PRKCB: variants seen among roughly 807,000 people sequenced by gnomAD.
The protein encoded by PRKCB is protein kinase C beta type.
Under a neutral mutation model 81.5 loss-of-function variants are expected in PRKCB, and 13 were observed. That is an observed-to-expected ratio of 0.16 (90% CI 0.10 to 0.25). The LOEUF is 0.25. Ranked by LOEUF, PRKCB falls within the 10% of genes least tolerant of loss-of-function variation. The probability of loss-of-function intolerance (pLI) is 1.00; values close to 1 mark genes in which losing one functional copy is unlikely to be tolerated. For synonymous variants in PRKCB, 335 were observed against 321.4 expected (o/e 1.04, Z -0.45); for missense variants, 509 against 875.7 (o/e 0.58, Z 5.29).
chr16:24,217,308 AG>A lies in PRKCB; in HGVS notation c.*2493del. On this transcript the variant is annotated 3_prime_UTR_variant, in exon 17 of 17. Coordinates refer to ENST00000643927, the MANE Select transcript of PRKCB (RefSeq NM_002738.7). ...TGTTTTAGAGAAACTTTCCATGGAA[AG>A]TCAGAATTTCTACCACTTCCTTTTC... The A allele has an allele frequency of 1.0e-6, 1 of 985,440 alleles. No individual in the cohort carries two copies. The allele number at this position is 985,440 out of a possible 1,614,324, so 61.0% of individuals were successfully genotyped here.
At chr16:24,045,334 G>A (rs1021974394) in intron 5 of PRKCB, among the ~76,000 whole-genome samples, 1 of 152,176 alleles carries the variant, frequency 6.6e-6, no homozygotes, top group Non-Finnish European at 1.5e-5. Flanking sequence ...TCCATCTTGT[G>A]TAGCATCTGC....
chr16:24,088,974 A>G (rs1404015334), intron 5 of PRKCB, among the ~76,000 whole-genome samples: 1 of 152,180 alleles, frequency 6.6e-6, no homozygotes, highest in Non-Finnish European at 1.5e-5. Context: ...TCAACCAGAC[A>G]GACAAGCTTC....
At chr16:24,110,108 G>T (rs1297053894) in intron 7 of PRKCB, among the ~76,000 whole-genome samples, 1 of 125,174 alleles carries the variant, frequency 8.0e-6, no homozygotes, top group Non-Finnish European at 1.6e-5. Flanking sequence ...GAGGGAGACC[G>T]TGGGGAGAGG....
intron 2 of PRKCB, among the ~76,000 whole-genome samples, chr16:23,973,205 A>G (rs62029573): frequency 0.078 from 11,863 of 152,154 alleles, 661 homozygotes; most frequent in South Asian, 0.15. Flanking sequence ...TTATTGAGAC[A>G]GAATCTCACT....
chr16:24,053,663 T>G (rs1191046456), intron 5 of PRKCB, among the ~76,000 whole-genome samples: 2 of 152,144 alleles, frequency 1.3e-5, no homozygotes, highest in African/African-American at 4.8e-5. Flanking sequence ...ATGGGGACAT[T>G]GAGTAAAGAC....
intron 8 of PRKCB, among the ~76,000 whole-genome samples, chr16:24,119,428 TGGG>T (rs1966772889): frequency 6.6e-6 from 1 of 152,038 alleles, no homozygotes; most frequent in African/African-American, 2.4e-5. Flanking sequence ...TCACGTTTCA[TGGG>T]GAGTGTGTGC....
chr16:24,134,805 T>C lies in PRKCB; in HGVS notation c.1065+10824T>C, dbSNP rs190555356. ...CACACAGTTGTAGTCCTAGCTACTC[T>C]GGAGGCTGGGGCAGGAAGAGAGGTT... On this transcript the variant is annotated intron_variant, in intron 9 of 16. Transcript: ENST00000643927. Among the ~76,000 whole-genome samples, 177 of 151,668 alleles carry C rather than the reference T, an allele frequency of 1.2e-3. 1 individual carries two copies. The highest frequency in any genetic ancestry group is 1.4e-3 in the Non-Finnish European group (93 of 67,880).
chr16:24,176,724 C>G (rs1967538480), intron 12 of PRKCB, among the ~76,000 whole-genome samples: 1 of 152,070 alleles, frequency 6.6e-6, no homozygotes, highest in Non-Finnish European at 1.5e-5. Context: ...GAAACCTCAT[C>G]TCTACTAAAA....
chr16:24,152,720 T>G (rs1245431582), intron 9 of PRKCB, among the ~76,000 whole-genome samples: 1 of 152,082 alleles, frequency 6.6e-6, no homozygotes, highest in Non-Finnish European at 1.5e-5. Context: ...ATACATCCCT[T>G]GGGTACCAGG....
intron 2 of PRKCB, among the ~76,000 whole-genome samples, chr16:23,954,552 G>C (rs528277153): frequency 6.6e-6 from 1 of 152,354 alleles, no homozygotes; most frequent in South Asian, 2.1e-4. Flanking sequence ...TAAAGGAGGA[G>C]TGAAGGAGTT....
At position 23,836,001 on chromosome 16, in the gene PRKCB, G is replaced by C; in HGVS notation, c.-175G>C. 4.5e-6 allele frequency: 1 copy of C among 223,770 alleles called. No homozygotes were observed. Among genetic ancestry groups the C allele is most frequent in the Non-Finnish European group, 7.5e-6 (1 of 133,974 alleles). The allele number at this position is 223,770 out of a possible 1,614,324, so 13.9% of individuals were successfully genotyped here. ...CGCAGCTGGACGAGCGGCAGCAGCTGGGCGAGTGACAGCCCCGGCTCCGCG... is the reference window on the plus strand; with the variant it reads ...CGCAGCTGGACGAGCGGCAGCAGCTCGGCGAGTGACAGCCCCGGCTCCGCG... On this transcript the variant is annotated 5_prime_UTR_variant, in exon 1 of 17. Coordinates refer to ENST00000643927, the MANE Select transcript of PRKCB (RefSeq NM_002738.7).
rs553811026 is a variant in PRKCB at position 24,130,235 on chromosome 16, A to G, written c.1065+6254A>G. Among the ~76,000 whole-genome samples the G allele has an allele frequency of 2.5e-3, 387 of 152,326 alleles. 1 individual carries two copies. Among genetic ancestry groups the G allele is most frequent in the Non-Finnish European group, 4.8e-3 (325 of 68,020 alleles). Reference sequence around the variant, plus strand: ...GTTTTGAAAAACGCATAGTTTTTAAAATGCAGTGGAGGTATACACATTCAT... The same window carrying G: ...GTTTTGAAAAACGCATAGTTTTTAAGATGCAGTGGAGGTATACACATTCAT... On this transcript the variant is annotated intron_variant, in intron 9 of 16. Coordinates refer to ENST00000643927, the MANE Select transcript of PRKCB (RefSeq NM_002738.7).
At chr16:23,928,117 C>T (rs12932420) in intron 2 of PRKCB, among the ~76,000 whole-genome samples, 77,989 of 151,648 alleles carry the variant, frequency 0.51, 21,103 homozygotes, top group East Asian at 0.62. Flanking sequence ...TTTCCACAGA[C>T]GTTTATTTTT....
chr16:24,046,318 T>A (rs1157683724), intron 5 of PRKCB, among the ~76,000 whole-genome samples: 1 of 152,222 alleles, frequency 6.6e-6, no homozygotes, highest in African/African-American at 2.4e-5. Context: ...CAAGTATTTG[T>A]TGGGGGCCTC....
At chr16:24,132,215 A>G (rs1966854329) in intron 9 of PRKCB, among the ~76,000 whole-genome samples, 1 of 152,192 alleles carries the variant, frequency 6.6e-6, no homozygotes, top group Admixed American at 6.5e-5. Context: ...CCAGGTTATC[A>G]GCAGTCTTGT....
intron 2 of PRKCB, among the ~76,000 whole-genome samples, chr16:23,843,029 C>G (rs1446238897): frequency 6.6e-6 from 1 of 152,120 alleles, no homozygotes; most frequent in Non-Finnish European, 1.5e-5. Flanking sequence ...TCCAACCATT[C>G]TTGTTTTTAT....
At chr16:23,902,430 CAATT>C (rs1963487793) in intron 2 of PRKCB, among the ~76,000 whole-genome samples, 1 of 152,090 alleles carries the variant, frequency 6.6e-6, no homozygotes, top group Non-Finnish European at 1.5e-5. Context: ...TTGAGGTTAA[CAATT>C]AAGTTAGTAT....
intron 5 of PRKCB, among the ~76,000 whole-genome samples, chr16:24,037,050 G>A (rs961096076): frequency 2.6e-5 from 4 of 152,082 alleles, no homozygotes; most frequent in Non-Finnish European, 5.9e-5. Context: ...GTGTGGTGGC[G>A]CCATCTTAGC....
chr16:24,161,559 G>T (rs1967258030), intron 10 of PRKCB, among the ~76,000 whole-genome samples: 1 of 152,092 alleles, frequency 6.6e-6, no homozygotes, highest in Admixed American at 6.5e-5. Flanking sequence ...CCAAATAGAT[G>T]CAAAAGCTCC....
Sources: gnomAD v4.1 joint callset for allele counts (sites outside exome capture counted in the v4.1 genomes callset) on GRCh38, gnomAD v4.1.1 for gene constraint, MANE v1.5 for transcripts, NCBI Gene and HGNC (gene_info 2026-07-23, HGNC 2026-07-21) for gene names.